Variants in PTPRO observed in about 807,000 individuals in gnomAD.
PTPRO encodes the protein receptor-type tyrosine-protein phosphatase O.
In PTPRO, 62 loss-of-function variants were observed where a neutral mutation model predicts 145.2. The observed-to-expected ratio is 0.43, with a 90% confidence interval of 0.35 to 0.53. The LOEUF is 0.53. PTPRO is among the 20% of genes least tolerant of loss of function. PTPRO has a pLI of 0.01. For synonymous variants in PTPRO, 565 were observed against 514.7 expected (o/e 1.10, Z -1.32); for missense variants, 1,345 against 1,482.7 (o/e 0.91, Z 1.53).
At chr12:15,400,635 T>C (rs1009953961) in intron 1 of PTPRO, among the ~76,000 whole-genome samples, 6 of 152,228 alleles carry the variant, frequency 3.9e-5, no homozygotes, top group African/African-American at 1.4e-4. Context: ...ATTCTATACA[T>C]TTCCATTGTG....
chr12:15,406,606 A>T (rs1939654186), intron 1 of PTPRO, among the ~76,000 whole-genome samples: 2 of 152,192 alleles, frequency 1.3e-5, no homozygotes, highest in South Asian at 4.1e-4. Context: ...TCCTTAGTTG[A>T]ACAGGCAATA....
intron 1 of PTPRO, among the ~76,000 whole-genome samples, chr12:15,426,423 T>C (rs554433553): frequency 7.9e-5 from 12 of 152,180 alleles, no homozygotes; most frequent in African/African-American, 2.9e-4. Context: ...TGTGGATATG[T>C]ACTTATAATG....
chr12:15,364,723 A>T (rs572927362), intron 1 of PTPRO, among the ~76,000 whole-genome samples: 4 of 152,224 alleles, frequency 2.6e-5, no homozygotes, highest in Admixed American at 2.6e-4. Flanking sequence ...CTGCCCCAAA[A>T]CTTTCTCTGA....
intron 19 of PTPRO, among the ~76,000 whole-genome samples, chr12:15,571,067 T>C (rs970197179): frequency 2.0e-5 from 3 of 152,118 alleles, no homozygotes; most frequent in Non-Finnish European, 1.5e-5. Context: ...TCTCATACAA[T>C]CAAAGAAAAG....
intron 25 of PTPRO, among the ~76,000 whole-genome samples, chr12:15,592,294 G>A (rs2135676976): frequency 6.6e-6 from 1 of 152,308 alleles, no homozygotes; most frequent in East Asian, 1.9e-4. Flanking sequence ...CTTTTCACAT[G>A]TATCATCCTA....
intron 4 of PTPRO, among the ~76,000 whole-genome samples, chr12:15,500,169 C>T (rs1942191132): frequency 6.6e-6 from 1 of 151,580 alleles, no homozygotes; most frequent in Admixed American, 6.6e-5. Flanking sequence ...GTACCCATCA[C>T]CAATATAAGC....
intron 1 of PTPRO, among the ~76,000 whole-genome samples, chr12:15,388,401 A>G (rs1278046240): frequency 7.9e-5 from 12 of 152,188 alleles, no homozygotes; most frequent in Admixed American, 7.9e-4. Context: ...TTGAAACTGC[A>G]CTGAAGCTTT....
At chr12:15,463,473 A>G (rs546306264) in intron 1 of PTPRO, among the ~76,000 whole-genome samples, 37 of 152,332 alleles carry the variant, frequency 2.4e-4, no homozygotes, top group South Asian at 1.4e-3. Context: ...TAGTCATAGA[A>G]GAAAAAATGA....
At chr12:15,402,739 C>T (rs769516001) in intron 1 of PTPRO, among the ~76,000 whole-genome samples, 1 of 152,044 alleles carries the variant, frequency 6.6e-6, no homozygotes, top group Non-Finnish European at 1.5e-5. Flanking sequence ...CCAAGCAGTA[C>T]TATAATGCTT....
chr12:15,510,473 A>G (rs1459683084), intron 7 of PTPRO, among the ~76,000 whole-genome samples: 1 of 152,210 alleles, frequency 6.6e-6, no homozygotes, highest in East Asian at 1.9e-4. Context: ...TACTTAATGT[A>G]CACATTATAT....
At chr12:15,391,024 T>C (rs1238986692) in intron 1 of PTPRO, among the ~76,000 whole-genome samples, 2 of 152,314 alleles carry the variant, frequency 1.3e-5, no homozygotes, top group East Asian at 1.9e-4. Context: ...TCTCTTCTTA[T>C]GAGGACACTA....
At chr12:15,554,321 A>G (rs543555707) in intron 15 of PTPRO, among the ~76,000 whole-genome samples, 2 of 152,252 alleles carry the variant, frequency 1.3e-5, no homozygotes, top group South Asian at 2.1e-4. Flanking sequence ...TGGAAATTGT[A>G]TTAGTCAGAG....
intron 1 of PTPRO, among the ~76,000 whole-genome samples, chr12:15,436,477 G>T (rs1940597597): frequency 6.6e-6 from 1 of 152,156 alleles, no homozygotes; most frequent in Non-Finnish European, 1.5e-5. Context: ...AGTGAGTAGA[G>T]CCCCAGTATG....
intron 14 of PTPRO, among the ~76,000 whole-genome samples, chr12:15,550,248 A>G (rs968437052): frequency 1.3e-5 from 2 of 152,226 alleles, no homozygotes; most frequent in African/African-American, 4.8e-5. Flanking sequence ...GCTAGAGAAA[A>G]GAAAATGTTA....
chr12:15,501,983 C>T lies in PTPRO; in HGVS notation c.1025C>T (p.Pro342Leu). Residue 342 changes from proline (P) to leucine (L), a missense_variant, in exon 5 of 27, where the codon CCT becomes CTT. Physicochemically the swap from Pro to Leu is moderately conservative, Grantham distance 98. Coordinates refer to ENST00000281171, the MANE Select transcript of PTPRO (RefSeq NM_030667.3). ...ACATCAGGCTCTTTCTCCTTTTTCCCTGTGCAAATGATATTGACCTGGTTA... is the reference window on the plus strand; with the variant it reads ...ACATCAGGCTCTTTCTCCTTTTTCCTTGTGCAAATGATATTGACCTGGTTA... ...KSTSGSFSFF[P>L]VQMILTWLPP... 2 of 1,614,010 alleles carry T rather than the reference C, an allele frequency of 1.2e-6. No homozygotes were observed. The highest frequency in any genetic ancestry group is 1.7e-6 in the Non-Finnish European group (2 of 1,179,916).
At chr12:15,365,647 T>C (rs11612019) in intron 1 of PTPRO, among the ~76,000 whole-genome samples, 25,121 of 152,146 alleles carry the variant, frequency 0.17, 4,896 homozygotes, top group African/African-American at 0.47. Context: ...TCTGGATATA[T>C]AAAACATCTT....
chr12:15,513,550 A>G (rs1354995677), intron 7 of PTPRO, among the ~76,000 whole-genome samples: 1 of 152,214 alleles, frequency 6.6e-6, no homozygotes, highest in African/African-American at 2.4e-5. Context: ...TTCAGATTAC[A>G]TAATTTCTAC....
At chr12:15,431,880 A>T (rs965254786) in intron 1 of PTPRO, among the ~76,000 whole-genome samples, 11 of 152,324 alleles carry the variant, frequency 7.2e-5, no homozygotes, top group African/African-American at 2.6e-4. Flanking sequence ...CCATATTCAT[A>T]CTGCATATTA....
At chr12:15,469,643 A>T (rs569655315) in intron 1 of PTPRO, among the ~76,000 whole-genome samples, 1 of 152,124 alleles carries the variant, frequency 6.6e-6, no homozygotes, top group Non-Finnish European at 1.5e-5. Context: ...CAAAACAAGA[A>T]AAAGAAATAC....
Sources: allele counts gnomAD v4.1 joint callset (sites outside exome capture counted in the v4.1 genomes callset), GRCh38; gene constraint gnomAD v4.1.1; transcripts MANE v1.5; gene names NCBI Gene and HGNC (gene_info 2026-07-23, HGNC 2026-07-21).